Variants in IGFL4 observed in about 807,000 individuals in gnomAD.
The protein encoded by IGFL4 is insulin growth factor-like family member 4.
In IGFL4, 12 loss-of-function variants were observed where a neutral mutation model predicts 15.4. That is an observed-to-expected ratio of 0.78 (90% CI 0.50 to 1.26). IGFL4 has a LOEUF of 1.26. Among genes scored for constraint, IGFL4 ranks in the 50% most tolerant of loss-of-function variants. The pLI, the probability that IGFL4 is intolerant of heterozygous loss-of-function variation, is 0.00. For synonymous variants in IGFL4, 54 were observed against 55.9 expected (o/e 0.97, Z 0.16); for missense variants, 126 against 147.8 (o/e 0.85, Z 0.76).
chr19:46,074,412 A>G (rs769859500), intron 1 of IGFL4, among the ~76,000 whole-genome samples: 3 of 151,910 alleles, frequency 2.0e-5, no homozygotes, highest in Admixed American at 6.6e-5. Context: ...TAATGTATGT[A>G]TATCTACATA....
intron 1 of IGFL4, among the ~76,000 whole-genome samples, chr19:46,072,820 A>T (rs1969559213): frequency 6.6e-6 from 1 of 151,884 alleles, no homozygotes; most frequent in South Asian, 2.1e-4. Context: ...GGGCAGAGAA[A>T]ATGTTGGCTT....
chr19:46,073,098 C>T (rs1343531157), intron 1 of IGFL4, among the ~76,000 whole-genome samples: 2 of 152,142 alleles, frequency 1.3e-5, no homozygotes, highest in Non-Finnish European at 2.9e-5. Context: ...CCTGTAGATT[C>T]AACATTCATT....
intron 2 of IGFL4, among the ~76,000 whole-genome samples, chr19:46,048,607 T>G (rs10413695): frequency 0.14 from 22,036 of 152,026 alleles, 1,865 homozygotes; most frequent in South Asian, 0.24. Flanking sequence ...ATTGCTAGCA[T>G]TCCTATACAC....
chr19:46,073,557 A>C (rs1969566652), intron 1 of IGFL4, among the ~76,000 whole-genome samples: 1 of 152,176 alleles, frequency 6.6e-6, no homozygotes, highest in African/African-American at 2.4e-5. Context: ...CCGTAACCAA[A>C]GGGAGACAAA....
chr19:46,055,930 C>T (rs994107082), intron 2 of IGFL4, among the ~76,000 whole-genome samples: 3 of 152,054 alleles, frequency 2.0e-5, no homozygotes, highest in Non-Finnish European at 2.9e-5. Flanking sequence ...GTGCCCACCA[C>T]CGTGCCCAGC....
intron 2 of IGFL4, among the ~76,000 whole-genome samples, chr19:46,053,800 A>T (rs1458450982): frequency 6.6e-6 from 1 of 152,058 alleles, no homozygotes; most frequent in Non-Finnish European, 1.5e-5. Context: ...TATCTTTTTG[A>T]TAATAGCTAA....
chr19:46,043,025 G>A (rs981028483), upstream of IGFL4, among the ~76,000 whole-genome samples: 1 of 151,848 alleles, frequency 6.6e-6, no homozygotes, highest in African/African-American at 2.4e-5. Flanking sequence ...GGTCGCCGGG[G>A]CAGTAGGGCA....
intron 1 of IGFL4, chr19:46,062,760 A>C (rs1969456300): frequency 6.6e-6 from 1 of 152,268 alleles, no homozygotes; most frequent in Non-Finnish European, 1.5e-5. Flanking sequence ...CACCCATTGC[A>C]GCCACACTGA....
chr19:46,075,939 C>T (rs1430603810), intron 1 of IGFL4, among the ~76,000 whole-genome samples: 2 of 152,072 alleles, frequency 1.3e-5, no homozygotes, highest in African/African-American at 2.4e-5. Context: ...TAGTCCATTC[C>T]TGCTGCTATA....
upstream of IGFL4, among the ~76,000 whole-genome samples, chr19:46,043,016 G>A (rs563167823): frequency 1.3e-5 from 2 of 152,284 alleles, no homozygotes; most frequent in South Asian, 4.1e-4. Context: ...GATGTTTGAG[G>A]TCGCCGGGGC....
intron 1 of IGFL4, among the ~76,000 whole-genome samples, chr19:46,069,397 T>C (rs1355743456): frequency 6.6e-6 from 1 of 152,230 alleles, no homozygotes; most frequent in East Asian, 1.9e-4. Context: ...ATGAAAATGT[T>C]CAGTCTGAGA....
upstream of IGFL4, among the ~76,000 whole-genome samples, chr19:46,043,628 A>G (rs1445015027): frequency 1.3e-5 from 2 of 152,246 alleles, no homozygotes; most frequent in Admixed American, 1.3e-4. Flanking sequence ...GATTTCAGAA[A>G]TAAACCCAAA....
intron 1 of IGFL4, among the ~76,000 whole-genome samples, chr19:46,065,500 G>A (rs1442557704): frequency 1.3e-5 from 2 of 152,196 alleles, no homozygotes; most frequent in African/African-American, 2.4e-5. Flanking sequence ...GTAGAGACGG[G>A]GTTTCAACGT....
At position 46,039,925 on chromosome 19, in the gene IGFL4, T is replaced by G. The variant is rs780239927; in HGVS notation, c.342A>C (p.Pro114=). ...GGTCAGATCTTGACACAGGGCTTTTTGGGTGGTATTCCTGCAGAAGGAGAG... is the reference window on the plus strand; with the variant it reads ...GGTCAGATCTTGACACAGGGCTTTTGGGGTGGTATTCCTGCAGAAGGAGAG... ...ITRICAQEYH[P]KSPVSRSDLI The change falls in exon 4 of 4, where the codon CCA becomes CCC. Residue 114 remains proline (P), a synonymous_variant. Transcript: ENST00000377697. The G allele has an allele frequency of 6.2e-7, 1 of 1,613,390 alleles. No homozygotes were observed. Among genetic ancestry groups the G allele is most frequent in the Non-Finnish European group, 8.5e-7 (1 of 1,179,318 alleles).
At position 46,039,861 on chromosome 19, in the gene IGFL4, G is replaced by A. The variant is rs1252062659; in HGVS notation, c.*31C>T. On this transcript the variant is annotated 3_prime_UTR_variant, in exon 4 of 4. Transcript: ENST00000377697. ...TAATTACCAAGTATTAGATTCTAGAGTGATCTGTGACTCTGCTACCCCAGA... is the reference window on the plus strand; with the variant it reads ...TAATTACCAAGTATTAGATTCTAGAATGATCTGTGACTCTGCTACCCCAGA... 6.4e-7 allele frequency: 1 copy of A among 1,553,024 alleles called. No individual in the cohort carries two copies. Among genetic ancestry groups the A allele is most frequent in the Non-Finnish European group, 8.9e-7 (1 of 1,124,600 alleles).
At chr19:46,041,835 C>T (rs746824402), upstream of IGFL4, among the ~76,000 whole-genome samples, 6 of 122,824 alleles carry the variant, frequency 4.9e-5, no homozygotes, top group African/African-American at 1.6e-4. Flanking sequence ...CCTCCTCTCT[C>T]TCTTTTTTTT....
At chr19:46,070,479 A>G (rs372165901) in intron 1 of IGFL4, among the ~76,000 whole-genome samples, 106 of 152,186 alleles carry the variant, frequency 7.0e-4, no homozygotes, top group African/African-American at 2.4e-3. Context: ...CAAGCATTAA[A>G]TGTATTTTAA....
intron 1 of IGFL4, among the ~76,000 whole-genome samples, chr19:46,063,081 G>A (rs968475449): frequency 6.6e-6 from 1 of 152,126 alleles, no homozygotes; most frequent in Non-Finnish European, 1.5e-5. Context: ...GATGGGCCTT[G>A]AACCCAAGTT....
At chr19:46,076,253 G>A (rs1246102302) in intron 1 of IGFL4, among the ~76,000 whole-genome samples, 1 of 152,132 alleles carries the variant, frequency 6.6e-6, no homozygotes, top group Non-Finnish European at 1.5e-5. Context: ...AAGTTTCAAC[G>A]TGAATCTTGG....
Sources: gnomAD v4.1 joint callset for allele counts (sites outside exome capture counted in the v4.1 genomes callset) on GRCh38, gnomAD v4.1.1 for gene constraint, MANE v1.5 for transcripts, NCBI Gene and HGNC (gene_info 2026-07-23, HGNC 2026-07-21) for gene names.